Variants in SEM1 observed in about 807,000 individuals in gnomAD.
SEM1 encodes the protein 26S proteasome complex subunit SEM1.
A neutral mutation model predicts 12.7 loss-of-function variants in SEM1; 3 were observed. The observed-to-expected ratio is 0.24, with a 90% CI of 0.11 to 0.61. The LOEUF (loss-of-function observed/expected upper bound fraction) is 0.61, where lower values mean the gene tolerates loss of function less well. Ranked by LOEUF, SEM1 falls within the 20% of genes least tolerant of loss-of-function variation. The pLI is 0.88. For synonymous variants in SEM1, 30 were observed against 27.8 expected (o/e 1.08, Z -0.25); for missense variants, 59 against 81.3 (o/e 0.73, Z 1.06).
At chr7:96,551,194 G>A (rs1329931678) in intron 2 of SEM1, among the ~76,000 whole-genome samples, 1 of 152,130 alleles carries the variant, frequency 6.6e-6, no homozygotes, top group Non-Finnish European at 1.5e-5. Context: ...GTACAGTTTT[G>A]AGGAAGTTTT....
At chr7:96,616,328 C>T (rs1482092821) in intron 2 of SEM1, among the ~76,000 whole-genome samples, 1 of 152,082 alleles carries the variant, frequency 6.6e-6, no homozygotes. Context: ...TTCTTGGCCA[C>T]TTGTGTGTCC....
chr7:96,625,300 C>T (rs1178609507), intron 2 of SEM1, among the ~76,000 whole-genome samples: 2 of 152,152 alleles, frequency 1.3e-5, no homozygotes, highest in East Asian at 3.9e-4. Flanking sequence ...TTTCACTTGC[C>T]TCACATCTCA....
upstream of SEM1, chr7:96,496,381 G>T: frequency 9.5e-7 from 1 of 1,050,436 alleles, no homozygotes; most frequent in Non-Finnish European, 1.4e-6. Context: ...TAATATAAAA[G>T]AGTGTAAAGC....
chr7:96,522,542 G>A (rs1026890610), intron 2 of SEM1, among the ~76,000 whole-genome samples: 6 of 150,238 alleles, frequency 4.0e-5, no homozygotes, highest in African/African-American at 1.5e-4. Context: ...AGGTCCATAT[G>A]CAGAGCTCAG....
intron 2 of SEM1, among the ~76,000 whole-genome samples, chr7:96,590,429 C>T (rs926951713): frequency 6.6e-6 from 1 of 152,102 alleles, no homozygotes; most frequent in African/African-American, 2.4e-5. Context: ...GGAAACTCCA[C>T]GAACAAGCAC....
chr7:96,687,485 G>A (rs1010700247), downstream of SEM1, among the ~76,000 whole-genome samples: 31 of 152,030 alleles, frequency 2.0e-4, no homozygotes, highest in Admixed American at 2.0e-3. Context: ...CCTTTGTAGG[G>A]ACATGGATGA....
chr7:96,681,283 T>G (rs62470380), intron 2 of SEM1, among the ~76,000 whole-genome samples: 2 of 152,040 alleles, frequency 1.3e-5, no homozygotes, highest in African/African-American at 2.4e-5. Flanking sequence ...AATGGTGACA[T>G]GATCTAAATT....
chr7:96,619,598 G>T (rs1468318461), downstream of SEM1, among the ~76,000 whole-genome samples: 1 of 152,112 alleles, frequency 6.6e-6, no homozygotes, highest in Non-Finnish European at 1.5e-5. Context: ...GAAGCTAATA[G>T]TGGGAGCAGT....
intron 2 of SEM1, among the ~76,000 whole-genome samples, chr7:96,629,013 A>T (rs1335335632): frequency 2.6e-5 from 4 of 152,202 alleles, no homozygotes; most frequent in African/African-American, 9.6e-5. Flanking sequence ...GCTGCCAGAC[A>T]TATGGGAGCT....
At chr7:96,643,428 C>A (rs1808680291) in intron 2 of SEM1, among the ~76,000 whole-genome samples, 1 of 152,006 alleles carries the variant, frequency 6.6e-6, no homozygotes, top group African/African-American at 2.4e-5. Flanking sequence ...TATACACATG[C>A]CATGGTGGTT....
chr7:96,527,750 A>T (rs1196356128), intron 2 of SEM1, among the ~76,000 whole-genome samples: 1 of 152,150 alleles, frequency 6.6e-6, no homozygotes, highest in Non-Finnish European at 1.5e-5. Context: ...ATAACAAAAT[A>T]TGCAGACTGT....
At chr7:96,484,680 T>C (rs961239129) in intron 3 of SEM1, 43 of 375,324 alleles carry the variant, frequency 1.1e-4, no homozygotes, top group African/African-American at 6.1e-4. Context: ...CAAGAAGTTA[T>C]TCCACTCACT....
chr7:96,639,566 C>A lies in SEM1; in HGVS notation c.171-16923G>T, dbSNP rs551386667. ...CTAGACACAAACCTTACAACCTTCA[C>A]AAAACTCAACTTAAATGGATCACAG... On this transcript the variant is annotated intron_variant, in intron 2 of 2. Transcript: ENST00000417009. Among the ~76,000 whole-genome samples, 4 of 151,948 alleles carry A rather than the reference C, an allele frequency of 2.6e-5. No individual in the cohort carries two copies. In the East Asian group the frequency reaches 5.8e-4, roughly 22 times the overall value.
intron 2 of SEM1, among the ~76,000 whole-genome samples, chr7:96,676,886 C>T (rs1789463031): frequency 6.6e-6 from 1 of 152,154 alleles, no homozygotes. Context: ...ACAGAGTTTC[C>T]TTTTACCATA....
chr7:96,620,574 C>T (rs1469157709), downstream of SEM1, among the ~76,000 whole-genome samples: 1 of 152,178 alleles, frequency 6.6e-6, no homozygotes, highest in Non-Finnish European at 1.5e-5. Context: ...ATTTCGGAGC[C>T]CTGAGGTTTT....
chr7:96,665,401 C>T (rs1041335619), intron 2 of SEM1, among the ~76,000 whole-genome samples: 14 of 152,186 alleles, frequency 9.2e-5, no homozygotes, highest in African/African-American at 3.4e-4. Flanking sequence ...CTTGGTTTCT[C>T]ATTCCTGTTC....
Position 96,583,567 on chromosome 7 carries a change from T to C in SEM1, c.171-76869A>G, listed in dbSNP as rs1051293720. Among the ~76,000 whole-genome samples the C allele has an allele frequency of 1.3e-5, 2 of 149,904 alleles. 1 individual carries two copies. Among genetic ancestry groups the C allele is most frequent in the Non-Finnish European group, 2.9e-5 (2 of 67,934 alleles). On this transcript the variant is annotated intron_variant and NMD_transcript_variant, in intron 2 of 3. Transcript: ENST00000466986. ...TTGTTGATCTGTCTAATGTTGACAGTGGTGTGTTAAAGTCTCCCATTATTA... is the reference window on the plus strand; with the variant it reads ...TTGTTGATCTGTCTAATGTTGACAGCGGTGTGTTAAAGTCTCCCATTATTA...
intron 2 of SEM1, among the ~76,000 whole-genome samples, chr7:96,523,393 G>A (rs1252317375): frequency 6.6e-6 from 1 of 152,058 alleles, no homozygotes; most frequent in Non-Finnish European, 1.5e-5. Flanking sequence ...GCGGGGCTTA[G>A]ATTACTATAT....
chr7:96,704,588 G>A (rs1230089069), intron 1 of SEM1, among the ~76,000 whole-genome samples: 1 of 151,956 alleles, frequency 6.6e-6, no homozygotes, highest in African/African-American at 2.4e-5. Flanking sequence ...ACATTCAACA[G>A]GTACTCTTCG....
Sources: gnomAD v4.1 joint callset for allele counts (sites outside exome capture counted in the v4.1 genomes callset) on GRCh38, gnomAD v4.1.1 for gene constraint, MANE v1.5 for transcripts, NCBI Gene and HGNC (gene_info 2026-07-23, HGNC 2026-07-21) for gene names.